PECAM1: variants seen among roughly 807,000 people sequenced by gnomAD.
PECAM1 encodes the protein platelet endothelial cell adhesion molecule.
A neutral mutation model predicts 13.8 loss-of-function variants in PECAM1; 8 were observed. The observed-to-expected ratio is 0.58, with a 90% CI of 0.34 to 1.05. The LOEUF is 1.05. Among genes scored for constraint, PECAM1 ranks in the 50% least tolerant of loss-of-function variants. PECAM1 has a pLI of 0.03. For synonymous variants in PECAM1, 136 were observed against 52.6 expected (o/e 2.58, Z -6.86); for missense variants, 304 against 141.2 (o/e 2.15, Z -5.84).
At chr17:64,370,992 T>C (rs991917063) in intron 4 of PECAM1, among the ~76,000 whole-genome samples, 1 of 152,066 alleles carries the variant, frequency 6.6e-6, no homozygotes, top group Admixed American at 6.6e-5. Flanking sequence ...CAAATAAAAG[T>C]AAAAAAGGGG....
chr17:64,373,183 A>C (rs977353370), intron 4 of PECAM1, among the ~76,000 whole-genome samples: 2 of 152,046 alleles, frequency 1.3e-5, no homozygotes, highest in Non-Finnish European at 2.9e-5. Flanking sequence ...TGATTCAACA[A>C]TTTGACTACT....
intron 7 of PECAM1, among the ~76,000 whole-genome samples, chr17:64,359,902 G>A (rs1465393255): frequency 3.9e-5 from 6 of 151,954 alleles, no homozygotes; most frequent in African/African-American, 7.3e-5. Context: ...ATAGGCGCAC[G>A]CCACCATGCC....
chr17:64,385,781 C>G (rs1183537030), intron 2 of PECAM1, among the ~76,000 whole-genome samples: 1 of 152,220 alleles, frequency 6.6e-6, no homozygotes, highest in Non-Finnish European at 1.5e-5. Flanking sequence ...AGGCCAAGGA[C>G]AGGCAGTGGG....
chr17:64,378,646 C>CAAA (rs1206844579), intron 2 of PECAM1, among the ~76,000 whole-genome samples: 8 of 131,814 alleles, frequency 6.1e-5, no homozygotes, highest in African/African-American at 2.2e-4. Context: ...TCTCAAAAGA[C>CAAA]AAAAAAAAAA....
chr17:64,361,117 G>T (rs1183894596), intron 6 of PECAM1, among the ~76,000 whole-genome samples: 1 of 117,804 alleles, frequency 8.5e-6, no homozygotes, highest in Non-Finnish European at 1.8e-5. Context: ...CACCACACCT[G>T]GCTGAGCATA....
chr17:64,327,188 G>C (rs1162470409), intron 15 of PECAM1, among the ~76,000 whole-genome samples: 1 of 152,074 alleles, frequency 6.6e-6, no homozygotes, highest in Non-Finnish European at 1.5e-5. Flanking sequence ...TATGTGGCAG[G>C]GTCATTTCAT....
At chr17:64,340,258 C>T (rs1213626218) in intron 14 of PECAM1, among the ~76,000 whole-genome samples, 2 of 152,186 alleles carry the variant, frequency 1.3e-5, no homozygotes, top group Non-Finnish European at 2.9e-5. Flanking sequence ...TTTTGTGGGT[C>T]TGGGCTGGGC....
intron 2 of PECAM1, among the ~76,000 whole-genome samples, chr17:64,384,806 T>C (rs1339847385): frequency 1.3e-5 from 2 of 152,264 alleles, no homozygotes; most frequent in African/African-American, 4.8e-5. Flanking sequence ...CTTAAGCCAG[T>C]AAGTTTTAGG....
At chr17:64,386,086 TG>T (rs2036586978) in intron 2 of PECAM1, among the ~76,000 whole-genome samples, 2 of 152,122 alleles carry the variant, frequency 1.3e-5, no homozygotes, top group Non-Finnish European at 2.9e-5. Flanking sequence ...AAGGATAGGC[TG>T]GGGATCTCCT....
rs2034796864 is a variant in PECAM1 at position 64,320,528 on chromosome 17, T to A, written c.*3288A>T. 6.6e-6 allele frequency: 1 copy of A among 152,336 alleles called. No individual in the cohort carries two copies. The highest frequency in any genetic ancestry group is 1.5e-5 in the Non-Finnish European group (1 of 68,128). The allele number at this position is 152,336 out of a possible 1,614,324, so 9.4% of individuals were successfully genotyped here. On this transcript the variant is annotated 3_prime_UTR_variant, in exon 16 of 16. Transcript: ENST00000563924. ...GGCTTTGGTGAGACCCACTTTCCTC[T>A]TAGACCTTCCTGGATCCCCCAAAGT...
chr17:64,364,077 C>T lies in PECAM1; in HGVS notation c.968-680G>A, dbSNP rs1409921656. Among the ~76,000 whole-genome samples the T allele has an allele frequency of 3.9e-5, 6 of 152,000 alleles. 1 individual carries two copies. Among genetic ancestry groups the T allele is most frequent in the African/African-American group, 7.3e-5 (3 of 41,360 alleles). ...ATCAACAAAATTGATAGACCGCTAG[C>T]AAGCCTAATAAAGAAAAAAAGAGAG... On this transcript the variant is annotated intron_variant, in intron 5 of 15. Transcript: ENST00000563924.
At chr17:64,346,104 T>C (rs1421176594) in intron 13 of PECAM1, among the ~76,000 whole-genome samples, 3 of 152,008 alleles carry the variant, frequency 2.0e-5, no homozygotes, top group African/African-American at 7.2e-5. Context: ...TCAGGAAAAC[T>C]ACCCCAGGCC....
intron 13 of PECAM1, among the ~76,000 whole-genome samples, chr17:64,342,957 C>T (rs1305394648): frequency 6.6e-6 from 1 of 152,106 alleles, no homozygotes; most frequent in Non-Finnish European, 1.5e-5. Context: ...CTCATGCACA[C>T]AGGGTGTGCA....
chr17:64,380,446 G>T (rs1266323209), intron 2 of PECAM1, among the ~76,000 whole-genome samples: 3 of 152,072 alleles, frequency 2.0e-5, no homozygotes, highest in Non-Finnish European at 4.4e-5. Flanking sequence ...ATCCCTACAC[G>T]TCCCCCCAGA....
chr17:64,350,871 GTTTC>G lies in PECAM1; in HGVS notation c.1991-442_1991-439del, dbSNP rs1388250361. Among the ~76,000 whole-genome samples the G allele has an allele frequency of 3.3e-5, 5 of 151,440 alleles. No homozygotes were observed. The South Asian group carries it at 6.3e-4, about 19-fold the overall frequency. ...AACTACCATGCCTGGCCTGAATATAGTTTCTTTCTTTCTTTCTTTTTTGAGATGG... is the reference window on the plus strand; with the variant it reads ...AACTACCATGCCTGGCCTGAATATAGTTTCTTTCTTTCTTTTTTGAGATGG... On this transcript the variant is annotated intron_variant, in intron 11 of 15. Coordinates refer to ENST00000563924, the MANE Select transcript of PECAM1 (RefSeq NM_000442.5).
intron 4 of PECAM1, among the ~76,000 whole-genome samples, chr17:64,371,779 G>A (rs1391308060): frequency 6.6e-6 from 1 of 152,068 alleles, no homozygotes; most frequent in Admixed American, 6.6e-5. Flanking sequence ...GCAGTGAGCC[G>A]AGATTGCGCC....
Position 64,390,803 on chromosome 17 carries a change from G to A in PECAM1, c.-138C>T, listed in dbSNP as rs2036703632. On this transcript the variant is annotated 5_prime_UTR_variant, in exon 1 of 16. Coordinates refer to ENST00000563924, the MANE Select transcript of PECAM1 (RefSeq NM_000442.5). ...AATTGCTCTGGTCACTTCTCCCGGC[G>A]CCTGCAGAGAGACCGGCTGTGGCGC... is the stretch of plus-strand genomic sequence containing the variant. The A allele has an allele frequency of 7.5e-6, 3 of 397,808 alleles. No individual in the cohort carries two copies. The highest frequency in any genetic ancestry group is 3.6e-5 in the East Asian group (1 of 28,076). The allele number at this position is 397,808 out of a possible 1,614,324, so 24.6% of individuals were successfully genotyped here. A position where few individuals can be genotyped will look rare whatever the true frequency, so the allele number is the denominator to read the frequency against.
At position 64,369,836 on chromosome 17, in the gene PECAM1, G is replaced by T; in HGVS notation, c.881C>A (p.Ala294Asp). The T allele has an allele frequency of 2.5e-6, 1 of 398,614 alleles. No homozygotes were observed. Among genetic ancestry groups the T allele is most frequent in the South Asian group, 1.3e-4 (1 of 7,854 alleles). 24.7% of individuals were successfully genotyped at this position (398,614 alleles called of 1,614,324 possible). ...HGNKAVYSVM[A>D]MVEHSGNYTC... is the part of the protein sequence containing the mutation. ...GTAGTTGCCACTGTGCTCCACCATG[G>T]CCATGACTGAGTACACAGCCTTGTT... The change falls in exon 5 of 16, where the codon GCC becomes GAC. Residue 294 changes from alanine (A) to aspartate (D), a missense_variant. Coordinates refer to ENST00000563924, the MANE Select transcript of PECAM1 (RefSeq NM_000442.5).
At chr17:64,359,724 A>G (rs1007535883) in intron 7 of PECAM1, among the ~76,000 whole-genome samples, 1 of 149,648 alleles carries the variant, frequency 6.7e-6, no homozygotes. Flanking sequence ...TATCTAGTAT[A>G]TGGACTTTGC....
Sources: gnomAD v4.1 joint callset for allele counts (sites outside exome capture counted in the v4.1 genomes callset) on GRCh38, gnomAD v4.1.1 for gene constraint, MANE v1.5 for transcripts, NCBI Gene and HGNC (gene_info 2026-07-23, HGNC 2026-07-21) for gene names.